ZCWPW2: variants seen among roughly 807,000 people sequenced by gnomAD.
ZCWPW2 encodes the protein zinc finger CW-type and PWWP domain containing 2.
In ZCWPW2, 45 loss-of-function variants were observed where a neutral mutation model predicts 46.6. That is an observed-to-expected ratio of 0.96 (90% confidence interval 0.76 to 1.24). The LOEUF is 1.24. ZCWPW2 is among the 50% of genes most tolerant of loss of function. The pLI is 0.00. For missense variants in ZCWPW2, 429 were observed against 403.9 expected, an observed-to-expected ratio of 1.06 and a Z score of -0.53; for synonymous variants, 152 against 137.1, an observed-to-expected ratio of 1.11 and a Z score of -0.76.
At chr3:28,516,068 G>A (rs559937926) in intron 8 of ZCWPW2, among the ~76,000 whole-genome samples, 8 of 151,492 alleles carry the variant, frequency 5.3e-5, no homozygotes, top group Non-Finnish European at 8.8e-5. Context: ...CAGTGAAACC[G>A]GTCTCAACTA....
At chr3:28,461,513 A>T (rs1490480797) in intron 4 of ZCWPW2, 1 of 152,006 alleles carries the variant, frequency 6.6e-6, no homozygotes, top group Non-Finnish European at 1.5e-5. Context: ...ATGTTTATAA[A>T]TTTTTCTTTT....
chr3:28,383,555 TA>T (rs1444930772), intron 1 of ZCWPW2, among the ~76,000 whole-genome samples: 1 of 151,840 alleles, frequency 6.6e-6, no homozygotes, highest in African/African-American at 2.4e-5. Context: ...TATTAGGGTA[TA>T]TTTTTTTTTC....
At chr3:28,449,509 A>G (rs1326938628) in intron 4 of ZCWPW2, among the ~76,000 whole-genome samples, 1 of 152,194 alleles carries the variant, frequency 6.6e-6, no homozygotes, top group Non-Finnish European at 1.5e-5. Context: ...TGGTGCTGCC[A>G]GGGGCTGAGG....
intron 6 of ZCWPW2, among the ~76,000 whole-genome samples, chr3:28,503,558 GAAT>G (rs1207726472): frequency 2.6e-5 from 4 of 151,944 alleles, no homozygotes; most frequent in African/African-American, 9.7e-5. Context: ...ATAGGAATTT[GAAT>G]AATGAGTTTG....
chr3:28,386,977 A>G (rs1386876971), intron 1 of ZCWPW2, among the ~76,000 whole-genome samples: 1 of 152,222 alleles, frequency 6.6e-6, no homozygotes, highest in Non-Finnish European at 1.5e-5. Flanking sequence ...TCTTCTGAGC[A>G]GTAAAAACTT....
At chr3:28,420,724 A>G (rs549303602) in intron 3 of ZCWPW2, among the ~76,000 whole-genome samples, 1 of 151,996 alleles carries the variant, frequency 6.6e-6, no homozygotes, top group African/African-American at 2.4e-5. Flanking sequence ...TATTTTTACC[A>G]TAACAACTTT....
At chr3:28,395,582 A>G (rs576380412) in intron 2 of ZCWPW2, among the ~76,000 whole-genome samples, 3 of 152,286 alleles carry the variant, frequency 2.0e-5, no homozygotes, top group African/African-American at 7.2e-5. Context: ...AGCCTTAAAA[A>G]GGAGAAAATC....
intron 1 of ZCWPW2, among the ~76,000 whole-genome samples, chr3:28,365,836 G>C (rs1386453327): frequency 1.4e-5 from 2 of 141,158 alleles, no homozygotes; most frequent in African/African-American, 2.5e-5. Context: ...GCAGTGGTTT[G>C]TAGTTTTCCT....
At chr3:28,465,510 G>A (rs890528142) in intron 4 of ZCWPW2, among the ~76,000 whole-genome samples, 3 of 152,106 alleles carry the variant, frequency 2.0e-5, no homozygotes, top group South Asian at 2.1e-4. Flanking sequence ...AACATCTCAC[G>A]AAAAGAACAT....
chr3:28,411,577 C>A (rs367988240), intron 2 of ZCWPW2, among the ~76,000 whole-genome samples: 1 of 151,838 alleles, frequency 6.6e-6, no homozygotes, highest in African/African-American at 2.4e-5. Flanking sequence ...AAAGTTGTTA[C>A]ACACACACAC....
At chr3:28,421,027 T>G (rs950646392) in intron 3 of ZCWPW2, among the ~76,000 whole-genome samples, 17 of 152,326 alleles carry the variant, frequency 1.1e-4, no homozygotes, top group African/African-American at 3.8e-4. Context: ...TATATTCTTT[T>G]CATTTTGGAT....
chr3:28,499,943 C>A (rs1700096006), intron 6 of ZCWPW2, among the ~76,000 whole-genome samples: 1 of 151,894 alleles, frequency 6.6e-6, no homozygotes, highest in Non-Finnish European at 1.5e-5. Flanking sequence ...AAAATTGTCT[C>A]TTTTGGGGAT....
At chr3:28,378,385 A>G (rs1026819844) in intron 1 of ZCWPW2, among the ~76,000 whole-genome samples, 1 of 152,026 alleles carries the variant, frequency 6.6e-6, no homozygotes, top group Admixed American at 6.6e-5. Context: ...TAATTTTCTT[A>G]TCTAACTAGA....
chr3:28,479,940 C>A (rs1455449718), intron 5 of ZCWPW2, among the ~76,000 whole-genome samples: 2 of 152,050 alleles, frequency 1.3e-5, no homozygotes, highest in Admixed American at 1.3e-4. Flanking sequence ...ATTTTCTTTA[C>A]CACATTTTCT....
chr3:28,498,501 CTATAT>C lies in ZCWPW2; in HGVS notation c.657+6333_657+6337del, dbSNP rs371288530. Among the ~76,000 whole-genome samples the C allele has an allele frequency of 4.5e-3, 683 of 151,974 alleles. 11 individuals carry two copies. Among genetic ancestry groups the C allele is most frequent in the African/African-American group, 0.016 (657 of 41,448 alleles). On this transcript the variant is annotated intron_variant, in intron 6 of 9. Coordinates refer to ENST00000383768, the MANE Select transcript of ZCWPW2 (RefSeq NM_001040432.4). ...AAGCAATTATAATAACATATAGTTA[CTATAT>C]TATAATAGGTGGTTAATAAATGCTA...
At chr3:28,429,037 C>A (rs1007890538) in intron 3 of ZCWPW2, among the ~76,000 whole-genome samples, 1 of 152,180 alleles carries the variant, frequency 6.6e-6, no homozygotes, top group East Asian at 1.9e-4. Flanking sequence ...ATAAGGATAC[C>A]CAAAAATGTG....
Position 28,499,433 on chromosome 3 carries a change from A to ACATAAATG in ZCWPW2, c.657+7261_657+7268dup, listed in dbSNP as rs1282447359. 8.5e-5 allele frequency among the ~76,000 whole-genome samples: 13 copies of ACATAAATG among 152,138 alleles called. No individual in the cohort carries two copies. In the East Asian group the frequency reaches 2.5e-3, roughly 29 times the overall value. On this transcript the variant is annotated intron_variant, in intron 6 of 9. Transcript: ENST00000383768. ...GCTTTTTTTCATATGTTTGTTGGCCACATAAATGTCTTCTTTTGAGAAGTG... is the reference window on the plus strand; with the variant it reads ...GCTTTTTTTCATATGTTTGTTGGCCACATAAATGCATAAATGTCTTCTTTTGAGAAGTG...
rs1490647999 is a variant in ZCWPW2 at position 28,413,328 on chromosome 3, G to A, written c.260G>A (p.Cys87Tyr). 3.7e-6 allele frequency: 6 copies of A among 1,613,064 alleles called. No homozygotes were observed. In the African/African-American group the frequency reaches 6.7e-5, roughly 18 times the overall value. ...DFPEESQLHQ[C>Y]GFKIVYSQLP... is the part of the protein sequence containing the mutation. ...CCTGAAGAGTCTCAGCTTCATCAGT[G>A]TGGATTTAAGATTGTCTATTCACAG... The change falls in exon 3 of 10, where the codon TGT becomes TAT. Residue 87 changes from cysteine (C) to tyrosine (Y), a missense_variant. Cys to Tyr is a radical substitution (Grantham distance 194). Coordinates refer to ENST00000383768, the MANE Select transcript of ZCWPW2 (RefSeq NM_001040432.4).
At chr3:28,426,263 A>G (rs1413657520) in intron 3 of ZCWPW2, among the ~76,000 whole-genome samples, 6 of 151,888 alleles carry the variant, frequency 4.0e-5, no homozygotes, top group Non-Finnish European at 8.8e-5. Context: ...AAAATTGATC[A>G]TATGCTATTG....
Sources: gnomAD v4.1 joint callset for allele counts (sites outside exome capture counted in the v4.1 genomes callset) on GRCh38, gnomAD v4.1.1 for gene constraint, MANE v1.5 for transcripts, NCBI Gene and HGNC (gene_info 2026-07-23, HGNC 2026-07-21) for gene names.